SORL1: variants seen among roughly 807,000 people sequenced by gnomAD.
The protein encoded by SORL1 is sortilin-related receptor.
Under a neutral mutation model 273.7 loss-of-function variants are expected in SORL1, and 127 were observed. The ratio of observed to expected loss-of-function variants is 0.46; its 90% CI spans 0.40 to 0.54. The LOEUF is 0.54. SORL1 is among the 20% of genes least tolerant of loss of function. The pLI is 0.00. For missense variants in SORL1, 2,494 were observed against 2,846.1 expected, an observed-to-expected ratio of 0.88 and a Z score of 2.81; for synonymous variants, 1,031 against 1,067.4, an observed-to-expected ratio of 0.97 and a Z score of 0.66.
intron 42 of SORL1, 117 bp from the exon 43 acceptor site, chr11:121,619,636 G>T (rs1863692611): frequency 1.1e-6 from 1 of 871,190 alleles, no homozygotes; most frequent in Non-Finnish European, 1.8e-6. Context: ...ATATTTTATG[G>T]TTTTTTGTAC....
intron 7 of SORL1, 148 bp from the exon 8 acceptor site, chr11:121,514,004 T>G (rs1222874298): frequency 2.3e-6 from 2 of 853,426 alleles, no homozygotes; most frequent in Non-Finnish European, 3.5e-6. Flanking sequence ...CGCCAAAGCT[T>G]CTTTGCCAAG....
chr11:121,553,902 G>A, intron 16 of SORL1, 35 bp from the exon 17 acceptor site: 1 of 1,595,502 alleles, frequency 6.3e-7, no homozygotes, highest in African/African-American at 1.3e-5. Context: ...GCATCCCCTG[G>A]GTCCAACCTC....
chr11:121,532,548 C>G lies in SORL1; in HGVS notation c.1681C>G (p.Leu561Val). The G allele has an allele frequency of 6.2e-7, 1 of 1,613,902 alleles. No homozygotes were observed. Among genetic ancestry groups the G allele is most frequent in the Non-Finnish European group, 8.5e-7 (1 of 1,179,810 alleles). Residue 561 changes from leucine (L) to valine (V), a missense_variant, in exon 12 of 48, where the codon CTA becomes GTA. This residue lies in a region of SORL1 where 710 missense variants were observed against 882.5 expected (regional missense o/e 0.80). Transcript: ENST00000260197. ...AIAQGMETNE[L>V]KYSTNEGETW... The stretch of plus-strand genomic sequence containing the variant: ...TGCCCAGGGCATGGAAACCAACGAG[C>G]TAAAGTAAGTGTCTCTGATGAGGCC...
intron 1 of SORL1, among the ~76,000 whole-genome samples, chr11:121,462,430 G>T (rs1267654638): frequency 6.6e-6 from 1 of 152,054 alleles, no homozygotes; most frequent in Non-Finnish European, 1.5e-5. Flanking sequence ...CATAGGTCAG[G>T]TCTTCAGTGA....
intron 26 of SORL1, 87 bp downstream of exon 26, chr11:121,583,670 A>G: frequency 2.1e-6 from 3 of 1,436,084 alleles, no homozygotes; most frequent in South Asian, 1.4e-5. Flanking sequence ...AGGGGATGAA[A>G]TGCTGTTCTC....
chr11:121,545,090 G>C (rs1042457160), intron 13 of SORL1, among the ~76,000 whole-genome samples, 153 bp from the exon 14 acceptor site: 11 of 152,210 alleles, frequency 7.2e-5, no homozygotes, highest in Non-Finnish European at 1.5e-4. Flanking sequence ...GGGCTGCCCA[G>C]CTTCAAAACA....
At chr11:121,544,187 C>A (rs1201997048) in intron 13 of SORL1, among the ~76,000 whole-genome samples, 2 of 152,084 alleles carry the variant, frequency 1.3e-5, no homozygotes, top group Admixed American at 6.5e-5. Context: ...TGAAACTCTT[C>A]AGCATCCTCT....
At chr11:121,496,820 A>G (rs1206417662) in intron 5 of SORL1, 49 bp from the exon 6 acceptor site, 2 of 1,514,686 alleles carry the variant, frequency 1.3e-6, no homozygotes, top group African/African-American at 1.4e-5. Flanking sequence ...CCATGCCTCT[A>G]GTAATTAAAT....
intron 5 of SORL1, among the ~76,000 whole-genome samples, chr11:121,494,882 G>A (rs577636978): frequency 6.6e-6 from 1 of 152,264 alleles, no homozygotes; most frequent in East Asian, 1.9e-4. Context: ...CCTCTGGCTA[G>A]AGGAAGTACT....
At chr11:121,481,759 G>T in intron 3 of SORL1, among the ~76,000 whole-genome samples, 2 of 74,738 alleles carry the variant, frequency 2.7e-5, no homozygotes, top group South Asian at 4.8e-4. Context: ...GTGCACAGAT[G>T]TCTATAGGCA....
At chr11:121,542,062 T>G (rs1283902330) in intron 12 of SORL1, among the ~76,000 whole-genome samples, 2 of 152,248 alleles carry the variant, frequency 1.3e-5, no homozygotes, top group African/African-American at 4.8e-5. Context: ...CTTCTATCAT[T>G]GGTCTATTTA....
In SORL1 at chr11:121,554,965, A is replaced by G. The variant is rs1415554440; in HGVS notation, c.2440-222A>G. 2.8e-6 allele frequency: 1 copy of G among 357,414 alleles called. No individual in the cohort carries two copies. Among genetic ancestry groups the G allele is most frequent in the Admixed American group, 4.3e-5 (1 of 23,298 alleles). 22.1% of individuals were successfully genotyped at this position (357,414 alleles called of 1,614,324 possible). A position where few individuals can be genotyped will look rare whatever the true frequency, so the allele number is the denominator to read the frequency against. On this transcript the variant is annotated intron_variant, in intron 17 of 47. Transcript: ENST00000260197. This position sits in a 1 kb window ranked among gnomAD's most constrained non-coding sequence, Gnocchi z 4.6. ...ATGATAATGCAGAGTAATATATATG[A>G]TTAAATTCTCTTTATTCTGCTTTAA...
intron 11 of SORL1, among the ~76,000 whole-genome samples, chr11:121,529,642 T>C (rs551114335): frequency 1.3e-5 from 2 of 152,302 alleles, no homozygotes; most frequent in East Asian, 3.9e-4. Flanking sequence ...CTTAAACTCC[T>C]GGGTTCAAGT....
chr11:121,532,505 C>T lies in SORL1; in HGVS notation c.1638C>T (p.Gly546=), dbSNP rs1314125834. 7 of 1,613,956 alleles carry T rather than the reference C, an allele frequency of 4.3e-6. No individual in the cohort carries two copies. The highest frequency in any genetic ancestry group is 1.3e-5 in the African/African-American group (1 of 74,896). The change falls in exon 12 of 48, where the codon GGC becomes GGT. Residue 546 remains glycine (G), a synonymous_variant. Coordinates refer to ENST00000260197, the MANE Select transcript of SORL1 (RefSeq NM_003105.6). ...GPHYYTWGDH[G]GIITAIAQGM... is the part of the protein sequence containing the mutation. Reference sequence around the variant, plus strand: ...ACTACTACACATGGGGAGACCACGGCGGAATCATCACGGCCATTGCCCAGG... The same window carrying T: ...ACTACTACACATGGGGAGACCACGGTGGAATCATCACGGCCATTGCCCAGG...
chr11:121,568,477 T>A (rs1862784320), intron 22 of SORL1, among the ~76,000 whole-genome samples: 1 of 152,194 alleles, frequency 6.6e-6, no homozygotes, highest in Non-Finnish European at 1.5e-5. Flanking sequence ...TCATCGCATG[T>A]CCTTGATGCA....
At chr11:121,613,735 G>A (rs773245436) in intron 40 of SORL1, among the ~76,000 whole-genome samples, 14 of 152,168 alleles carry the variant, frequency 9.2e-5, no homozygotes, top group Non-Finnish European at 1.8e-4. Flanking sequence ...TAAGTCATAC[G>A]CTCAGACGGT....
At chr11:121,561,928 C>A (rs1862682341) in intron 21 of SORL1, among the ~76,000 whole-genome samples, 1 of 152,174 alleles carries the variant, frequency 6.6e-6, no homozygotes, top group Non-Finnish European at 1.5e-5. Flanking sequence ...TCTTTCTCTG[C>A]AGCCCAGTTT....
At chr11:121,468,881 A>G (rs543050170) in intron 1 of SORL1, among the ~76,000 whole-genome samples, 1 of 152,370 alleles carries the variant, frequency 6.6e-6, no homozygotes, top group Non-Finnish European at 1.5e-5. Flanking sequence ...CAGTGAAACA[A>G]TGGTTCTTTA....
At chr11:121,456,047 G>A (rs1329624426) in intron 1 of SORL1, among the ~76,000 whole-genome samples, 1 of 151,164 alleles carries the variant, frequency 6.6e-6, no homozygotes, top group Non-Finnish European at 1.5e-5. Flanking sequence ...TTAAAGGCCA[G>A]GTCCAAGAAG....
Sources: allele counts gnomAD v4.1 joint callset (sites outside exome capture counted in the v4.1 genomes callset), GRCh38; gene constraint gnomAD v4.1.1; regional missense constraint gnomAD v4.1.1; non-coding constraint Gnocchi (gnomAD v3.1); transcripts MANE v1.5; gene names NCBI Gene and HGNC (gene_info 2026-07-23, HGNC 2026-07-21).